Variants in TMEM108 observed in about 807,000 individuals in gnomAD.
The protein encoded by TMEM108 is cancer/testis antigen 124.
Under a neutral mutation model 35.1 loss-of-function variants are expected in TMEM108, and 12 were observed. The ratio of observed to expected loss-of-function variants is 0.34; its 90% confidence interval spans 0.22 to 0.55. The LOEUF (loss-of-function observed/expected upper bound fraction) is 0.55, where lower values mean the gene tolerates loss of function less well. Among genes scored for constraint, TMEM108 ranks in the 20% least tolerant of loss-of-function variants. The pLI is 0.89. For missense variants in TMEM108, 680 were observed against 753.3 expected (o/e 0.90, Z 1.14); for synonymous variants, 287 against 308.6 (o/e 0.93, Z 0.73).
At chr3:133,335,684 TGC>T (rs2071481872) in intron 3 of TMEM108, among the ~76,000 whole-genome samples, 1 of 152,130 alleles carries the variant, frequency 6.6e-6, no homozygotes, top group Non-Finnish European at 1.5e-5. Flanking sequence ...TGTTCCCCCA[TGC>T]GGGAACACCA....
chr3:133,320,741 G>A (rs1197316), intron 3 of TMEM108, among the ~76,000 whole-genome samples: 125,307 of 152,134 alleles, frequency 0.82, 51,822 homozygotes, highest in East Asian at 0.93. Flanking sequence ...AGTCAAGACA[G>A]GGAAAAAATC....
intron 3 of TMEM108, among the ~76,000 whole-genome samples, chr3:133,354,393 T>C (rs1047129289): frequency 6.6e-6 from 1 of 152,144 alleles, no homozygotes; most frequent in African/African-American, 2.4e-5. Context: ...CTAGCCACAT[T>C]ACAGGGGCAC....
At position 133,379,997 on chromosome 3, in the gene TMEM108, A is replaced by G. The variant is rs776494932; in HGVS notation, c.286A>G (p.Thr96Ala). ...PRAEGHPPTH[T>A]ISTIAATVTA... ...TGCAGAGGGGCACCCTCCTACGCAC[A>G]CCATCTCCACCATCGCTGCGACAGT... Residue 96 changes from threonine (T) to alanine (A), a missense_variant, in exon 4 of 6, where the codon ACC becomes GCC. Thr to Ala is a moderately conservative substitution (Grantham distance 58). Around this residue, in one of 3 missense-constraint regions of TMEM108, gnomAD observed 526 missense variants for 532.1 expected, o/e 0.99. Coordinates refer to ENST00000321871, the MANE Select transcript of TMEM108 (RefSeq NM_023943.4). The G allele has an allele frequency of 5.6e-6, 9 of 1,613,762 alleles. 1 individual carries two copies. In the South Asian group the frequency reaches 6.6e-5, roughly 12 times the overall value.
intron 2 of TMEM108, among the ~76,000 whole-genome samples, chr3:133,209,083 G>A (rs181936653): frequency 7.4e-4 from 112 of 152,252 alleles, no homozygotes; most frequent in Admixed American, 3.7e-3. Flanking sequence ...TCTCACAGTT[G>A]CCCAGGCTGA....
At chr3:133,170,496 G>A (rs1376075683) in intron 2 of TMEM108, among the ~76,000 whole-genome samples, 1 of 152,168 alleles carries the variant, frequency 6.6e-6, no homozygotes, top group Non-Finnish European at 1.5e-5. Context: ...CTAGTAAAAT[G>A]TGGTAACAAA....
rs1453360505 is a variant in TMEM108, at chr3:133,380,589, G to T, written c.878G>T (p.Ser293Ile). Residue 293 changes from serine to isoleucine, a missense_variant, in exon 4 of 6, where the codon AGC (serine) becomes ATC (isoleucine). This residue lies in a region of TMEM108 where 526 missense variants were observed against 532.1 expected (regional missense o/e 0.99). Coordinates refer to ENST00000321871, the MANE Select transcript of TMEM108 (RefSeq NM_023943.4). This position sits in a 1 kb window ranked among gnomAD's most constrained non-coding sequence, Gnocchi z 5.3. ...CAGGGGGGTGGTTCTACCTTCACCA[G>T]CCAAGGAGGGACACCAGATGCCACA... is the stretch of plus-strand genomic sequence containing the variant. ...AAQGGGSTFT[S>I]QGGTPDATAA... The T allele has an allele frequency of 6.2e-7, 1 of 1,613,146 alleles. No individual in the cohort carries two copies. Among genetic ancestry groups the T allele is most frequent in the Admixed American group, 1.7e-5 (1 of 59,950 alleles).
chr3:133,077,408 C>A (rs1158156023), intron 2 of TMEM108, among the ~76,000 whole-genome samples: 1 of 152,058 alleles, frequency 6.6e-6, no homozygotes, highest in Non-Finnish European at 1.5e-5. Flanking sequence ...GTGCCAGGGG[C>A]AGGCGGTGAG....
At chr3:133,157,286 G>T (rs1275796959) in intron 2 of TMEM108, among the ~76,000 whole-genome samples, 1 of 152,134 alleles carries the variant, frequency 6.6e-6, no homozygotes, top group Non-Finnish European at 1.5e-5. Flanking sequence ...GACTAGAACT[G>T]GGCTTTTCTG....
rs187695635 is a variant in TMEM108 at position 133,289,627 on chromosome 3, C to T, written c.40+60276C>T. Among the ~76,000 whole-genome samples the T allele has an allele frequency of 5.8e-4, 88 of 152,294 alleles. No individual in the cohort carries two copies. The East Asian group carries it at 7.5e-3, about 13-fold the overall frequency. On this transcript the variant is annotated intron_variant, in intron 3 of 5. Transcript: ENST00000321871. ...GAACTGTGGGTAATGGTGTGCAATCCGACTGTGAGGTTTGAAAAGTAGTGT... is the reference window on the plus strand; with the variant it reads ...GAACTGTGGGTAATGGTGTGCAATCTGACTGTGAGGTTTGAAAAGTAGTGT...
intron 2 of TMEM108, among the ~76,000 whole-genome samples, chr3:133,085,322 G>T (rs1382655072): frequency 1.3e-5 from 2 of 152,084 alleles, no homozygotes; most frequent in Admixed American, 6.6e-5. Context: ...GATGTCTGAA[G>T]GATAATTTCT....
chr3:133,325,005 AT>A (rs781593076), intron 3 of TMEM108, among the ~76,000 whole-genome samples: 17 of 152,146 alleles, frequency 1.1e-4, no homozygotes, highest in Non-Finnish European at 2.1e-4. Context: ...AGAAGTCATT[AT>A]ATGAAAAAGA....
intron 2 of TMEM108, among the ~76,000 whole-genome samples, chr3:133,119,700 A>C (rs1035823186): frequency 6.6e-6 from 1 of 152,162 alleles, no homozygotes; most frequent in Admixed American, 6.5e-5. Flanking sequence ...AAGTAGTCCT[A>C]GGAGGATTTC....
chr3:133,129,676 T>G (rs1944464336), intron 2 of TMEM108, among the ~76,000 whole-genome samples: 1 of 152,128 alleles, frequency 6.6e-6, no homozygotes, highest in Non-Finnish European at 1.5e-5. Flanking sequence ...AGGAAACTTG[T>G]TGATTGTCTA....
rs115025704 is a variant in TMEM108 at position 133,041,380 on chromosome 3, C to G, written c.-166+2945C>G. Among the ~76,000 whole-genome samples the G allele has an allele frequency of 5.7e-3, 869 of 152,246 alleles. 6 individuals carry two copies. The highest frequency in any genetic ancestry group is 0.02 in the African/African-American group (820 of 41,546). ...TTGGCTCATGTCACCCCCCAGGGCT[C>G]CCAGAAAACAAGTTGTACCCTCCTT... On this transcript the variant is annotated intron_variant, in intron 1 of 5. Transcript: ENST00000321871.
chr3:133,231,568 T>TCC (rs1193743943), intron 3 of TMEM108, among the ~76,000 whole-genome samples: 1 of 152,210 alleles, frequency 6.6e-6, no homozygotes, highest in Non-Finnish European at 1.5e-5. Context: ...TTAGAAGATT[T>TCC]ATTATGAATT....
At position 133,332,915 on chromosome 3, in the gene TMEM108, A is replaced by G. The variant is rs559948316; in HGVS notation, c.41-46837A>G. On this transcript the variant is annotated intron_variant, in intron 3 of 5. Coordinates refer to ENST00000321871, the MANE Select transcript of TMEM108 (RefSeq NM_023943.4). ...TAGTGCTCCAAGTATCAGATCCCTG[A>G]GGGTTTGTCAAAGAATTAGACCATC... Among the ~76,000 whole-genome samples, 6 of 152,328 alleles carry G rather than the reference A, an allele frequency of 3.9e-5. No individual in the cohort carries two copies. The East Asian group carries it at 1.2e-3, about 29-fold the overall frequency.
intron 2 of TMEM108, among the ~76,000 whole-genome samples, chr3:133,085,178 C>T (rs1204158481): frequency 6.6e-6 from 1 of 152,142 alleles, no homozygotes; most frequent in Non-Finnish European, 1.5e-5. Context: ...ACAGCCTGTT[C>T]AAAGCATAGT....
intron 3 of TMEM108, chr3:133,248,016 T>C (rs925976041): frequency 2.6e-5 from 4 of 152,168 alleles, no homozygotes; most frequent in Admixed American, 6.5e-5. Flanking sequence ...AAAAATAGTG[T>C]GTTATAGGAT....
intron 2 of TMEM108, among the ~76,000 whole-genome samples, chr3:133,185,860 C>G (rs1190721443): frequency 6.6e-6 from 1 of 151,560 alleles, no homozygotes; most frequent in East Asian, 1.9e-4. Context: ...CTCTCCCTCC[C>G]AGGTTCAAGT....
Sources: allele counts gnomAD v4.1 joint callset (sites outside exome capture counted in the v4.1 genomes callset), GRCh38; gene constraint gnomAD v4.1.1; regional missense constraint gnomAD v4.1.1; non-coding constraint Gnocchi (gnomAD v3.1); transcripts MANE v1.5; gene names NCBI Gene and HGNC (gene_info 2026-07-23, HGNC 2026-07-21).